Variants in GPC5 observed in about 807,000 individuals in gnomAD.
GPC5 encodes glypican-5.
In GPC5, 47 loss-of-function variants were observed where a neutral mutation model predicts 53.9. The ratio of observed to expected loss-of-function variants is 0.87; its 90% CI spans 0.69 to 1.11. The LOEUF (loss-of-function observed/expected upper bound fraction) is 1.11, where lower values mean the gene tolerates loss of function less well. Ranked by LOEUF, GPC5 falls within the 50% of genes most tolerant of loss-of-function variation. The probability of loss-of-function intolerance (pLI) is 0.00; values close to 1 mark genes in which losing one functional copy is unlikely to be tolerated. For synonymous variants in GPC5, 286 were observed against 263.3 expected (o/e 1.09, Z -0.84); for missense variants, 748 against 713.1 (o/e 1.05, Z -0.56).
chr13:92,343,814 T>C (rs2043387086), intron 7 of GPC5, among the ~76,000 whole-genome samples: 1 of 152,094 alleles, frequency 6.6e-6, no homozygotes, highest in African/African-American at 2.4e-5. Context: ...TTAAAACCTA[T>C]TATTTATAAA....
At chr13:91,665,778 T>C (rs1043662762) in intron 2 of GPC5, among the ~76,000 whole-genome samples, 2 of 152,192 alleles carry the variant, frequency 1.3e-5, no homozygotes, top group African/African-American at 2.4e-5. Flanking sequence ...GTGCTGGGAT[T>C]ACAGGCATGA....
At chr13:91,811,979 A>G (rs1179319613) in intron 5 of GPC5, among the ~76,000 whole-genome samples, 1 of 152,192 alleles carries the variant, frequency 6.6e-6, no homozygotes, top group African/African-American at 2.4e-5. Context: ...AGTTAGACCC[A>G]TGCTCTGAAA....
intron 2 of GPC5, among the ~76,000 whole-genome samples, chr13:91,499,515 G>A (rs1884499706): frequency 6.6e-6 from 1 of 152,156 alleles, no homozygotes; most frequent in African/African-American, 2.4e-5. Context: ...TGAAAACGAA[G>A]CTTTCTTAAC....
chr13:91,650,750 G>GTTTTGTTTTTTTTTTTT (rs1555333961), intron 2 of GPC5, among the ~76,000 whole-genome samples: 20 of 99,602 alleles, frequency 2.0e-4, no homozygotes, highest in African/African-American at 7.7e-4. Context: ...ATTCCCATAA[G>GTTTTGTTTTTTTTTTTT]TTTTTTTTTT....
chr13:91,854,131 G>T (rs1241275316), intron 5 of GPC5, among the ~76,000 whole-genome samples: 1 of 151,666 alleles, frequency 6.6e-6, no homozygotes, highest in African/African-American at 2.4e-5. Flanking sequence ...AAAAAGAGGT[G>T]CTATAACCAA....
chr13:92,175,797 A>G (rs1188161535), intron 7 of GPC5, among the ~76,000 whole-genome samples: 1 of 152,164 alleles, frequency 6.6e-6, no homozygotes, highest in East Asian at 1.9e-4. Flanking sequence ...CAAAGAAAAA[A>G]AAAACATCTC....
intron 6 of GPC5, among the ~76,000 whole-genome samples, chr13:91,975,757 C>A (rs1167119733): frequency 6.6e-6 from 1 of 152,120 alleles, no homozygotes; most frequent in Admixed American, 6.5e-5. Flanking sequence ...TTGACCCAGC[C>A]ATCCCATTAC....
At chr13:91,919,886 T>A (rs187752358) in intron 6 of GPC5, among the ~76,000 whole-genome samples, 1 of 152,314 alleles carries the variant, frequency 6.6e-6, no homozygotes, top group African/African-American at 2.4e-5. Context: ...ACACAGTCCA[T>A]GCAGAAAATT....
intron 5 of GPC5, among the ~76,000 whole-genome samples, chr13:91,895,952 G>T (rs1401907322): frequency 6.6e-6 from 1 of 151,852 alleles, no homozygotes; most frequent in Admixed American, 6.6e-5. Context: ...GCATTCCTGG[G>T]CTTGTGGCAG....
intron 7 of GPC5, among the ~76,000 whole-genome samples, chr13:92,542,332 C>A (rs1045044835): frequency 6.6e-6 from 1 of 151,898 alleles, no homozygotes; most frequent in Non-Finnish European, 1.5e-5. Flanking sequence ...CATATTTATT[C>A]CCCTGAATCC....
At chr13:91,458,720 G>T (rs1232583148) in intron 2 of GPC5, among the ~76,000 whole-genome samples, 1 of 152,096 alleles carries the variant, frequency 6.6e-6, no homozygotes, top group East Asian at 1.9e-4. Flanking sequence ...CAGAGGAAAA[G>T]AAGTCATTAT....
rs1594678118 is a variant in GPC5, at chr13:91,943,158, A to T, written c.1401+35101A>T. ...CAATGATGAAAATCAACTTATGCAT[A>T]AGATTCTGCTATGCTTTTTCATTTC... is the stretch of plus-strand genomic sequence containing the variant. On this transcript the variant is annotated intron_variant, in intron 6 of 7. Transcript: ENST00000377067. Among the ~76,000 whole-genome samples, 10 of 152,126 alleles carry T rather than the reference A, an allele frequency of 6.6e-5. No homozygotes were observed. In the South Asian group the frequency reaches 2.1e-3, roughly 31 times the overall value.
At chr13:91,679,217 A>G (rs541791116) in intron 2 of GPC5, among the ~76,000 whole-genome samples, 119 of 152,214 alleles carry the variant, frequency 7.8e-4, no homozygotes, top group African/African-American at 2.8e-3. Flanking sequence ...TCTGAGGTAC[A>G]TGTGCAGAAC....
chr13:92,382,240 A>T (rs905204987), intron 7 of GPC5, among the ~76,000 whole-genome samples: 4 of 152,026 alleles, frequency 2.6e-5, no homozygotes, highest in South Asian at 2.1e-4. Flanking sequence ...GTGGCGAGGG[A>T]TAAAAGACTA....
At chr13:92,006,494 A>G (rs1032786751) in intron 6 of GPC5, among the ~76,000 whole-genome samples, 1 of 152,150 alleles carries the variant, frequency 6.6e-6, no homozygotes, top group East Asian at 1.9e-4. Flanking sequence ...AAGAGTTTTG[A>G]AACTCCACTT....
intron 7 of GPC5, among the ~76,000 whole-genome samples, chr13:92,168,660 ATT>A (rs1305089472): frequency 1.3e-5 from 2 of 152,168 alleles, no homozygotes; most frequent in Non-Finnish European, 2.9e-5. Flanking sequence ...CAGAATGGTG[ATT>A]ATTAAAAAGT....
At chr13:91,833,242 G>A (rs2038684155) in intron 5 of GPC5, among the ~76,000 whole-genome samples, 1 of 152,062 alleles carries the variant, frequency 6.6e-6, no homozygotes, top group South Asian at 2.1e-4. Flanking sequence ...TGAAATTAAG[G>A]CAGCAATTAA....
intron 7 of GPC5, among the ~76,000 whole-genome samples, chr13:92,157,709 A>G (rs1291632075): frequency 6.6e-6 from 1 of 152,154 alleles, no homozygotes; most frequent in African/African-American, 2.4e-5. Context: ...GGTGAGGTTT[A>G]TCGTTATTTT....
intron 5 of GPC5, among the ~76,000 whole-genome samples, chr13:91,844,620 A>G (rs562305686): frequency 1.1e-4 from 17 of 152,336 alleles, no homozygotes; most frequent in African/African-American, 3.6e-4. Context: ...GTAACCATCC[A>G]CTGAAGGGTG....
Sources: allele counts gnomAD v4.1 joint callset (sites outside exome capture counted in the v4.1 genomes callset), GRCh38; gene constraint gnomAD v4.1.1; transcripts MANE v1.5; gene names NCBI Gene and HGNC (gene_info 2026-07-23, HGNC 2026-07-21).